Variants in GABRG1 observed in about 807,000 individuals in gnomAD.
GABRG1 encodes gamma-aminobutyric acid type A receptor subunit gamma1, also known as gamma-aminobutyric acid receptor subunit gamma-1.
A neutral mutation model predicts 49.8 loss-of-function variants in GABRG1; 49 were observed. The observed-to-expected ratio is 0.98, with a 90% CI of 0.78 to 1.25. GABRG1 has a LOEUF of 1.25. Ranked by LOEUF, GABRG1 falls within the 50% of genes most tolerant of loss-of-function variation. The pLI is 0.00. For missense variants in GABRG1, 552 were observed against 552.3 expected (o/e 1.00, Z 0.01); for synonymous variants, 232 against 185.1 (o/e 1.25, Z -2.06).
intron 3 of GABRG1, among the ~76,000 whole-genome samples, chr4:46,067,264 A>C (rs185371699): frequency 1.3e-5 from 2 of 152,222 alleles, no homozygotes; most frequent in African/African-American, 4.8e-5. Context: ...AAGCTACCTC[A>C]TTTTATCTAT....
At chr4:46,077,948 A>C (rs1235981574) in intron 3 of GABRG1, among the ~76,000 whole-genome samples, 1 of 151,734 alleles carries the variant, frequency 6.6e-6, no homozygotes, top group Non-Finnish European at 1.5e-5. Flanking sequence ...CACTGGATAA[A>C]AGAAACAGCG....
intron 1 of GABRG1, among the ~76,000 whole-genome samples, chr4:46,119,610 A>G (rs1265279748): frequency 6.6e-6 from 1 of 151,528 alleles, no homozygotes; most frequent in Non-Finnish European, 1.5e-5. Context: ...CATTTTCCCC[A>G]TAGTCTTCTG....
intron 2 of GABRG1, 71 bp downstream of exon 2, chr4:46,097,130 A>G: frequency 7.8e-7 from 1 of 1,273,964 alleles, no homozygotes; most frequent in Non-Finnish European, 1.1e-6. Context: ...ATAAGAAATA[A>G]TGATTAAAAT....
intron 3 of GABRG1, among the ~76,000 whole-genome samples, chr4:46,079,842 A>G (rs1007446447): frequency 1.3e-5 from 2 of 151,946 alleles, no homozygotes; most frequent in Non-Finnish European, 2.9e-5. Flanking sequence ...GAGTAAAGAT[A>G]CATAATATCC....
At chr4:46,087,090 T>C (rs1719794743) in intron 2 of GABRG1, among the ~76,000 whole-genome samples, 1 of 151,690 alleles carries the variant, frequency 6.6e-6, no homozygotes. Context: ...TTTTTTTTTC[T>C]TGTAATATCC....
rs773576284 is a variant in GABRG1 at position 46,097,302 on chromosome 4, T to G, written c.152A>C (p.Lys51Thr). The change falls in exon 2 of 9, where the codon AAA (lysine) becomes ACA (threonine). Residue 51 changes from lysine to threonine, a missense_variant. Transcript: ENST00000295452. ...DEDDEDLTVN[K>T]TWVLAPKIHE... ...AATTTTTGGGGCCAAGACCCAGGTT[T>G]TGTTCACCGTTAAATCCTCATCATC... The G allele has an allele frequency of 1.2e-6, 2 of 1,610,864 alleles. No individual in the cohort carries two copies. The highest frequency in any genetic ancestry group is 4.5e-5 in the East Asian group (2 of 44,676).
At chr4:46,076,508 AT>A (rs1361274861) in intron 3 of GABRG1, among the ~76,000 whole-genome samples, 6 of 150,984 alleles carry the variant, frequency 4.0e-5, no homozygotes, top group Non-Finnish European at 3.0e-5. Flanking sequence ...GGTGTAAAAA[AT>A]TAGGAATCAT....
At chr4:46,117,715 TATATAC>T (rs1247252095) in intron 1 of GABRG1, among the ~76,000 whole-genome samples, 10 of 144,630 alleles carry the variant, frequency 6.9e-5, no homozygotes, top group East Asian at 2.0e-4. Context: ...TACATACATG[TATATAC>T]ATATACATAT....
chr4:46,049,672 A>C (rs1032676210), intron 8 of GABRG1, among the ~76,000 whole-genome samples: 1 of 151,942 alleles, frequency 6.6e-6, no homozygotes, highest in Non-Finnish European at 1.5e-5. Context: ...TTCTAGAACA[A>C]TGCCTAGATT....
intron 1 of GABRG1, among the ~76,000 whole-genome samples, chr4:46,099,459 G>A (rs1461017620): frequency 1.3e-5 from 2 of 151,788 alleles, no homozygotes; most frequent in Admixed American, 6.6e-5. Flanking sequence ...AAACATTTAG[G>A]GTTGGAAGCC....
At chr4:46,077,718 C>G (rs918801909) in intron 3 of GABRG1, among the ~76,000 whole-genome samples, 1 of 151,588 alleles carries the variant, frequency 6.6e-6, no homozygotes, top group Non-Finnish European at 1.5e-5. Flanking sequence ...GATGACATAT[C>G]TTTTCTGATA....
intron 1 of GABRG1, among the ~76,000 whole-genome samples, chr4:46,106,715 T>A (rs1391725598): frequency 4.0e-5 from 6 of 151,304 alleles, no homozygotes; most frequent in Non-Finnish European, 5.9e-5. Context: ...TTGTAACATA[T>A]CCTGACTTTA....
At chr4:46,071,936 T>C (rs1719141770) in intron 3 of GABRG1, among the ~76,000 whole-genome samples, 1 of 152,048 alleles carries the variant, frequency 6.6e-6, no homozygotes, top group Non-Finnish European at 1.5e-5. Flanking sequence ...ACAGTGTTTA[T>C]AAGGTCTAAA....
intron 2 of GABRG1, among the ~76,000 whole-genome samples, chr4:46,089,955 CCATG>C (rs779136638): frequency 6.6e-5 from 10 of 151,898 alleles, no homozygotes; most frequent in Non-Finnish European, 1.2e-4. Flanking sequence ...CAGCATGAGA[CCATG>C]CCTCAAAAAA....
intron 3 of GABRG1, among the ~76,000 whole-genome samples, chr4:46,071,302 C>G (rs1719109098): frequency 6.6e-6 from 1 of 151,530 alleles, no homozygotes; most frequent in Non-Finnish European, 1.5e-5. Context: ...TTTATACACA[C>G]ACAGACACAA....
intron 1 of GABRG1, among the ~76,000 whole-genome samples, chr4:46,114,334 G>A (rs1410183080): frequency 6.6e-6 from 1 of 150,938 alleles, no homozygotes; most frequent in Non-Finnish European, 1.5e-5. Flanking sequence ...AACTACAGTG[G>A]AACCTATCAC....
At position 46,037,418 on chromosome 4, in the gene GABRG1, T is replaced by C. The variant is rs1717573408; in HGVS notation, c.*3570A>G. The C allele has an allele frequency of 6.6e-6, 1 of 151,748 alleles. No individual in the cohort carries two copies. Among genetic ancestry groups the C allele is most frequent in the Non-Finnish European group, 1.5e-5 (1 of 67,828 alleles). The allele number at this position is 151,748 out of a possible 1,614,324, so 9.4% of individuals were successfully genotyped here. Reference sequence around the variant, plus strand: ...CCTAGCAGTAAAAAGCAATAAAGAATGACCAACAAAAATGGAAATACCAAG... The same window carrying C: ...CCTAGCAGTAAAAAGCAATAAAGAACGACCAACAAAAATGGAAATACCAAG... On this transcript the variant is annotated 3_prime_UTR_variant, in exon 9 of 9. Transcript: ENST00000295452.
intron 1 of GABRG1, among the ~76,000 whole-genome samples, chr4:46,099,066 T>A (rs1233676621): frequency 6.6e-6 from 1 of 151,752 alleles, no homozygotes; most frequent in African/African-American, 2.4e-5. Context: ...ATTATATTAA[T>A]AGTTATCTTC....
Position 46,036,066 on chromosome 4 carries a change from T to G in GABRG1, c.*4922A>C, listed in dbSNP as rs1012678907. 1.3e-5 allele frequency: 2 copies of G among 152,090 alleles called. No homozygotes were observed. Among genetic ancestry groups the G allele is most frequent in the African/African-American group, 4.8e-5 (2 of 41,560 alleles). 9.4% of individuals were successfully genotyped at this position (152,090 alleles called of 1,614,324 possible). A position where few individuals can be genotyped will look rare whatever the true frequency, so the allele number is the denominator to read the frequency against. On this transcript the variant is annotated 3_prime_UTR_variant, in exon 9 of 9. Transcript: ENST00000295452. ...AATCATGTCTCAAAAGTCTTCTAATTAGCCCTTTTTGCTTAGCTGCATTTC... is the reference window on the plus strand; with the variant it reads ...AATCATGTCTCAAAAGTCTTCTAATGAGCCCTTTTTGCTTAGCTGCATTTC...
Sources: allele counts gnomAD v4.1 joint callset (sites outside exome capture counted in the v4.1 genomes callset), GRCh38; gene constraint gnomAD v4.1.1; transcripts MANE v1.5; gene names NCBI Gene and HGNC (gene_info 2026-07-23, HGNC 2026-07-21).